Variants in EPHA6 observed in about 807,000 individuals in gnomAD.
EPHA6 encodes the protein ephrin type-A receptor 6.
A neutral mutation model predicts 112.0 loss-of-function variants in EPHA6; 50 were observed. That is an observed-to-expected ratio of 0.45 (90% CI 0.36 to 0.56). The LOEUF is 0.56. Among genes scored for constraint, EPHA6 ranks in the 20% least tolerant of loss-of-function variants. EPHA6 has a pLI of 0.00. For synonymous variants in EPHA6, 529 were observed against 490.7 expected (o/e 1.08, Z -1.03); for missense variants, 1,280 against 1,417.4 (o/e 0.90, Z 1.56).
chr3:97,525,246 T>G (rs150687404), intron 10 of EPHA6, among the ~76,000 whole-genome samples: 2,064 of 152,258 alleles, frequency 0.014, 19 homozygotes, highest in Non-Finnish European at 0.02. Flanking sequence ...ATTCACAATT[T>G]CTAATTTTTT....
chr3:97,084,138 G>A (rs2046819743), intron 3 of EPHA6, among the ~76,000 whole-genome samples: 2 of 119,552 alleles, frequency 1.7e-5, no homozygotes, highest in Non-Finnish European at 1.8e-5. Flanking sequence ...ATATATCCAT[G>A]CACACACACA....
In EPHA6 at chr3:96,935,795, G is replaced by T. The variant is rs577098074; in HGVS notation, c.451-51535G>T. Among the ~76,000 whole-genome samples, 16 of 149,926 alleles carry T rather than the reference G, an allele frequency of 1.1e-4. No homozygotes were observed. The East Asian group carries it at 3.1e-3, about 29-fold the overall frequency. On this transcript the variant is annotated intron_variant, in intron 2 of 17. Coordinates refer to ENST00000389672, the MANE Select transcript of EPHA6 (RefSeq NM_001080448.3). ...TGTGTGTAGTCCTAAGGATGTTTCT[G>T]ATCTAATTTACACATGCCTATTTTC...
chr3:96,836,448 G>A (rs1210815931), intron 1 of EPHA6, among the ~76,000 whole-genome samples: 1 of 152,006 alleles, frequency 6.6e-6, no homozygotes, highest in Non-Finnish European at 1.5e-5. Context: ...TATTTTACAA[G>A]GTTGTTGTAG....
chr3:96,824,517 A>G (rs2033513551), intron 1 of EPHA6, among the ~76,000 whole-genome samples: 1 of 152,062 alleles, frequency 6.6e-6, no homozygotes, highest in African/African-American at 2.4e-5. Flanking sequence ...TAGTTCTGCA[A>G]TAAGCAAATA....
At chr3:97,727,315 A>G (rs1297316066) in intron 15 of EPHA6, among the ~76,000 whole-genome samples, 2 of 152,032 alleles carry the variant, frequency 1.3e-5, no homozygotes, top group African/African-American at 2.4e-5. Flanking sequence ...TTTTATTTTT[A>G]TAGGTGATGT....
At chr3:96,992,750 C>T (rs1214243529) in intron 3 of EPHA6, among the ~76,000 whole-genome samples, 2 of 152,092 alleles carry the variant, frequency 1.3e-5, no homozygotes, top group Admixed American at 6.6e-5. Flanking sequence ...AATTTTTGAA[C>T]AATCCATGCG....
intron 4 of EPHA6, among the ~76,000 whole-genome samples, chr3:97,228,148 A>G (rs2078413675): frequency 6.6e-6 from 1 of 151,832 alleles, no homozygotes; most frequent in Non-Finnish European, 1.5e-5. Flanking sequence ...TAGGTTGTGG[A>G]ATTCGGATTT....
intron 1 of EPHA6, among the ~76,000 whole-genome samples, chr3:96,835,285 G>C (rs1436143279): frequency 6.6e-6 from 1 of 152,106 alleles, no homozygotes; most frequent in South Asian, 2.1e-4. Context: ...AGAGAAAAGT[G>C]TTATAGATGT....
chr3:97,004,645 T>C (rs1281980490), intron 3 of EPHA6, among the ~76,000 whole-genome samples: 5 of 152,228 alleles, frequency 3.3e-5, no homozygotes, highest in Non-Finnish European at 4.4e-5. Context: ...TTTAGACTAA[T>C]TAGATCCCAT....
intron 2 of EPHA6, among the ~76,000 whole-genome samples, chr3:96,931,514 A>T (rs1272867998): frequency 6.6e-6 from 1 of 152,146 alleles, no homozygotes; most frequent in Non-Finnish European, 1.5e-5. Flanking sequence ...GCCCCCATTT[A>T]GTGAGGAGGA....
At chr3:96,982,922 T>C (rs1461602873) in intron 2 of EPHA6, among the ~76,000 whole-genome samples, 1 of 152,192 alleles carries the variant, frequency 6.6e-6, no homozygotes, top group East Asian at 1.9e-4. Context: ...TCTTCCTCCA[T>C]CCTTTTATTT....
intron 3 of EPHA6, among the ~76,000 whole-genome samples, chr3:97,224,863 T>G (rs1408514477): frequency 1.3e-5 from 2 of 152,168 alleles, no homozygotes; most frequent in African/African-American, 4.8e-5. Flanking sequence ...GAATTTTAAA[T>G]ATTGTTATAG....
intron 5 of EPHA6, among the ~76,000 whole-genome samples, chr3:97,371,624 A>G (rs9837391): frequency 0.016 from 2,419 of 152,278 alleles, 77 homozygotes; most frequent in African/African-American, 0.055. Flanking sequence ...GGCACCTTGA[A>G]AAAAGAACAG....
intron 15 of EPHA6, among the ~76,000 whole-genome samples, chr3:97,726,876 T>C (rs2034794856): frequency 6.6e-6 from 1 of 151,674 alleles, no homozygotes; most frequent in African/African-American, 2.4e-5. Context: ...AATAACCAAA[T>C]CCCCACAGAG....
intron 11 of EPHA6, among the ~76,000 whole-genome samples, chr3:97,544,117 T>A (rs537836382): frequency 6.6e-6 from 1 of 152,158 alleles, no homozygotes; most frequent in Non-Finnish European, 1.5e-5. Flanking sequence ...AGCCAGAACT[T>A]CCAACACTAT....
chr3:96,926,708 ATCT>A (rs1296529928), intron 2 of EPHA6, among the ~76,000 whole-genome samples: 1 of 152,200 alleles, frequency 6.6e-6, no homozygotes, highest in African/African-American at 2.4e-5. Flanking sequence ...CTCTGAAATG[ATCT>A]TCTTTGACTT....
intron 3 of EPHA6, among the ~76,000 whole-genome samples, chr3:97,198,345 C>T (rs1236482628): frequency 1.3e-5 from 2 of 152,092 alleles, no homozygotes; most frequent in African/African-American, 2.4e-5. Context: ...GTGACTGAAT[C>T]CTCCCGGTGC....
At chr3:97,171,874 T>C (rs745453898) in intron 3 of EPHA6, among the ~76,000 whole-genome samples, 1 of 151,928 alleles carries the variant, frequency 6.6e-6, no homozygotes, top group Non-Finnish European at 1.5e-5. Flanking sequence ...CTTGGTAAAC[T>C]ATAGGTTAAA....
At chr3:96,929,897 G>A (rs577954486) in intron 2 of EPHA6, among the ~76,000 whole-genome samples, 15 of 152,190 alleles carry the variant, frequency 9.9e-5, no homozygotes, top group Middle Eastern at 3.4e-3. Flanking sequence ...ACATAATCCC[G>A]TATGTCTCAG....
Sources: allele counts gnomAD v4.1 joint callset (sites outside exome capture counted in the v4.1 genomes callset), GRCh38; gene constraint gnomAD v4.1.1; transcripts MANE v1.5; gene names NCBI Gene and HGNC (gene_info 2026-07-23, HGNC 2026-07-21).